The following SH3PXD2A variants were observed in gnomAD, a reference collection of about 807,000 sequenced individuals.
SH3PXD2A encodes the protein SH3 and PX domain-containing protein 2A.
Under a neutral mutation model 115.2 loss-of-function variants are expected in SH3PXD2A, and 32 were observed. That is an observed-to-expected ratio of 0.28 (90% CI 0.21 to 0.37). The LOEUF is 0.37. Among genes scored for constraint, SH3PXD2A ranks in the 10% least tolerant of loss-of-function variants. The pLI, the probability that SH3PXD2A is intolerant of heterozygous loss-of-function variation, is 1.00. For synonymous variants in SH3PXD2A, 610 were observed against 629.1 expected (o/e 0.97, Z 0.45); for missense variants, 1,328 against 1,498.7 (o/e 0.89, Z 1.88).
At chr10:103,728,538 T>C (rs995843869) in intron 4 of SH3PXD2A, among the ~76,000 whole-genome samples, 18 of 152,158 alleles carry the variant, frequency 1.2e-4, no homozygotes, top group African/African-American at 3.9e-4. Context: ...AATCCCGAAG[T>C]ATGTCTCATG....
chr10:103,627,006 T>C lies in SH3PXD2A; in HGVS notation c.718+83A>G, dbSNP rs1346950223. 5.2e-6 allele frequency: 4 copies of C among 769,488 alleles called. No individual in the cohort carries two copies. Among genetic ancestry groups the C allele is most frequent in the Middle Eastern group, 4.6e-4 (2 of 4,338 alleles). 47.7% of individuals were successfully genotyped at this position (769,488 alleles called of 1,614,324 possible). On this transcript the variant is annotated intron_variant, in intron 9 of 14. Transcript: ENST00000369774. This position sits in a 1 kb window ranked among gnomAD's most constrained non-coding sequence, Gnocchi z 4.4. ...GATATGGCTCAGCTCACTTTAGGGGTTCTGTTGGTTCTAGGGAAAGAGTGA... is the reference window on the plus strand; with the variant it reads ...GATATGGCTCAGCTCACTTTAGGGGCTCTGTTGGTTCTAGGGAAAGAGTGA...
intron 7 of SH3PXD2A, among the ~76,000 whole-genome samples, chr10:103,664,441 G>A (rs1592289602): frequency 2.0e-5 from 3 of 152,144 alleles, no homozygotes; most frequent in Admixed American, 6.5e-5. Context: ...CCCGTTTCAC[G>A]CATGGGCAAA....
rs1168718265 is a variant in SH3PXD2A at position 103,602,345 on chromosome 10, C to T, written c.2873G>A (p.Gly958Asp). The T allele has an allele frequency of 5.6e-6, 9 of 1,613,390 alleles. No homozygotes were observed. Among genetic ancestry groups the T allele is most frequent in the African/African-American group, 1.3e-5 (1 of 74,936 alleles). Residue 958 changes from glycine to aspartate, a missense_variant, in exon 15 of 15, where the codon GGC (glycine) becomes GAC (aspartate). Coordinates refer to ENST00000369774, the MANE Select transcript of SH3PXD2A (RefSeq NM_001394015.1). The stretch of plus-strand genomic sequence containing the variant: ...CACCGCTGGAGTGCCTGAGGTCTTG[C>T]CGAAGCCCCCGGGAGGTTTGGAGGG... ...PIPSKPPGGFGKTSGTPAVKM... is the reference protein window; with the variant it reads ...PIPSKPPGGFDKTSGTPAVKM...
intron 1 of SH3PXD2A, among the ~76,000 whole-genome samples, chr10:103,847,925 C>A (rs12785178): frequency 1.8e-5 from 2 of 110,786 alleles, no homozygotes; most frequent in African/African-American, 3.3e-5. Flanking sequence ...GGTGACAGAG[C>A]GAGACCCCAA....
At chr10:103,846,078 G>A (rs1029956283) in intron 1 of SH3PXD2A, among the ~76,000 whole-genome samples, 4 of 152,140 alleles carry the variant, frequency 2.6e-5, no homozygotes, top group East Asian at 1.9e-4. Context: ...TGTCCCACCC[G>A]CCCCACTGCA....
At position 103,743,713 on chromosome 10, in the gene SH3PXD2A, AGGGTATGCCCTG is replaced by A. The variant is rs563223523; in HGVS notation, c.230-7917_230-7906del. 1.1e-4 allele frequency among the ~76,000 whole-genome samples: 17 copies of A among 152,126 alleles called. No homozygotes were observed. In the East Asian group the frequency reaches 2.5e-3, roughly 22 times the overall value. ...TGGTTTAAAGCAAGCAGACACCAAG[AGGGTATGCCCTG>A]GGCCCTAAGAATACCCAACTCTAAA... On this transcript the variant is annotated intron_variant, in intron 3 of 14. Coordinates refer to ENST00000369774, the MANE Select transcript of SH3PXD2A (RefSeq NM_001394015.1).
intron 1 of SH3PXD2A, among the ~76,000 whole-genome samples, chr10:103,804,761 G>C (rs753306026): frequency 2.6e-5 from 4 of 152,112 alleles, no homozygotes; most frequent in Non-Finnish European, 4.4e-5. Flanking sequence ...CACAGAACTG[G>C]GGGCCCAGAC....
intron 6 of SH3PXD2A, among the ~76,000 whole-genome samples, chr10:103,688,690 C>T (rs751429326): frequency 4.6e-5 from 7 of 151,870 alleles, no homozygotes; most frequent in African/African-American, 1.7e-4. Context: ...GTGTGATGGG[C>T]GGGGACAAGA....
At chr10:103,747,508 G>C (rs2038519794) in intron 3 of SH3PXD2A, among the ~76,000 whole-genome samples, 1 of 152,208 alleles carries the variant, frequency 6.6e-6, no homozygotes, top group African/African-American at 2.4e-5. Context: ...CTGTGGCATG[G>C]TCCACAGTGT....
intron 8 of SH3PXD2A, among the ~76,000 whole-genome samples, chr10:103,655,065 C>G (rs533524005): frequency 6.6e-6 from 1 of 152,300 alleles, no homozygotes; most frequent in Admixed American, 6.5e-5. Flanking sequence ...CGGCTGCACA[C>G]TGGAGATCGT....
At chr10:103,767,528 C>A (rs2038766730) in intron 2 of SH3PXD2A, among the ~76,000 whole-genome samples, 1 of 152,182 alleles carries the variant, frequency 6.6e-6, no homozygotes, top group Non-Finnish European at 1.5e-5. Flanking sequence ...CCTACTTCGT[C>A]TGTGGGGTGA....
chr10:103,623,305 G>A (rs1048239168), intron 9 of SH3PXD2A, among the ~76,000 whole-genome samples: 3 of 151,844 alleles, frequency 2.0e-5, no homozygotes, highest in Admixed American at 2.0e-4. Flanking sequence ...CTGACCCCGT[G>A]CCCTGAGCAG....
intron 3 of SH3PXD2A, among the ~76,000 whole-genome samples, chr10:103,752,070 G>A (rs2038585950): frequency 6.6e-6 from 1 of 152,206 alleles, no homozygotes; most frequent in Non-Finnish European, 1.5e-5. Context: ...AAGTCAGTGA[G>A]GGGCAAAGGT....
intron 11 of SH3PXD2A, among the ~76,000 whole-genome samples, chr10:103,615,483 G>GGGGTGTGTGTGTGT (rs1237824774): frequency 1.8e-4 from 23 of 128,598 alleles, no homozygotes; most frequent in Admixed American, 3.2e-4. Context: ...AGAGTGCGAG[G>GGGGTGTGTGTGTGT]GTGTGTGTGT....
At chr10:103,715,108 G>C (rs2038090574) in intron 5 of SH3PXD2A, among the ~76,000 whole-genome samples, 1 of 152,208 alleles carries the variant, frequency 6.6e-6, no homozygotes, top group African/African-American at 2.4e-5. Flanking sequence ...TTTTGGGGTG[G>C]CTGCTCTGTA....
rs571903583 is a variant in SH3PXD2A, at chr10:103,825,894, G to T, written c.73-24532C>A. Among the ~76,000 whole-genome samples the T allele has an allele frequency of 1.2e-3, 179 of 151,664 alleles. 1 individual carries two copies. The South Asian group carries it at 0.019, about 16-fold the overall frequency. On this transcript the variant is annotated intron_variant, in intron 1 of 14. Coordinates refer to ENST00000369774, the MANE Select transcript of SH3PXD2A (RefSeq NM_001394015.1). The stretch of plus-strand genomic sequence containing the variant: ...TTCTCCTGCCTCAGCCTCCTGAGTA[G>T]CTGGGACTACAGGCTCCCGCCACCA...
intron 8 of SH3PXD2A, among the ~76,000 whole-genome samples, chr10:103,653,727 C>A (rs552216140): frequency 1.3e-5 from 2 of 152,190 alleles, no homozygotes; most frequent in Non-Finnish European, 2.9e-5. Flanking sequence ...CATTGACAAG[C>A]CCTTGGATGC....
At chr10:103,728,332 T>C (rs980689414) in intron 4 of SH3PXD2A, among the ~76,000 whole-genome samples, 1 of 152,208 alleles carries the variant, frequency 6.6e-6, no homozygotes, top group Admixed American at 6.5e-5. Flanking sequence ...ACTCAGTAAA[T>C]GTGAGCCGTG....
chr10:103,778,023 T>C (rs931752382), intron 2 of SH3PXD2A, among the ~76,000 whole-genome samples: 13 of 152,104 alleles, frequency 8.5e-5, no homozygotes, highest in African/African-American at 3.1e-4. Context: ...CCCTCCATGG[T>C]GGCTGAAGTT....
Sources: gnomAD v4.1 joint callset for allele counts (sites outside exome capture counted in the v4.1 genomes callset) on GRCh38, gnomAD v4.1.1 for gene constraint, Gnocchi (gnomAD v3.1) non-coding constraint, MANE v1.5 for transcripts, NCBI Gene and HGNC (gene_info 2026-07-23, HGNC 2026-07-21) for gene names.